SCFD2: variants seen among roughly 807,000 people sequenced by gnomAD.
SCFD2 encodes the protein sec1 family domain containing 2.
A neutral mutation model predicts 58.9 loss-of-function variants in SCFD2; 54 were observed. The observed-to-expected ratio is 0.92, with a 90% CI of 0.74 to 1.15. The LOEUF (loss-of-function observed/expected upper bound fraction) is 1.15, where lower values mean the gene tolerates loss of function less well. SCFD2 is among the 50% of genes most tolerant of loss of function. SCFD2 has a pLI of 0.00. For missense variants in SCFD2, 805 were observed against 836.6 expected, an observed-to-expected ratio of 0.96 and a Z score of 0.47; for synonymous variants, 321 against 335.9, an observed-to-expected ratio of 0.96 and a Z score of 0.49.
At chr4:53,186,063 A>C (rs1727728190) in intron 4 of SCFD2, among the ~76,000 whole-genome samples, 2 of 152,172 alleles carry the variant, frequency 1.3e-5, no homozygotes, top group South Asian at 4.1e-4. Context: ...ACAGTGCTTA[A>C]CATTGACTTA....
chr4:53,019,698 G>C (rs930098606), intron 5 of SCFD2, among the ~76,000 whole-genome samples: 4 of 152,010 alleles, frequency 2.6e-5, no homozygotes, highest in African/African-American at 9.7e-5. Context: ...CCTCCAAACA[G>C]ACTTACAAAC....
chr4:53,304,173 G>T (rs1349743893), intron 3 of SCFD2, among the ~76,000 whole-genome samples: 1 of 151,952 alleles, frequency 6.6e-6, no homozygotes, highest in East Asian at 1.9e-4. Flanking sequence ...CTTCTGGCTT[G>T]TAGGGATACT....
intron 2 of SCFD2, among the ~76,000 whole-genome samples, chr4:53,352,287 G>A (rs1347519531): frequency 6.6e-6 from 1 of 152,168 alleles, no homozygotes; most frequent in Non-Finnish European, 1.5e-5. Flanking sequence ...AGGAAGACTA[G>A]ACTCAATTCC....
At chr4:53,325,134 C>A (rs1406615167) in intron 2 of SCFD2, among the ~76,000 whole-genome samples, 1 of 151,862 alleles carries the variant, frequency 6.6e-6, no homozygotes, top group Non-Finnish European at 1.5e-5. Flanking sequence ...TTCTGATATT[C>A]ACTCTCCTTA....
rs144236845 is a variant in SCFD2 at position 53,195,746 on chromosome 4, G to A, written c.1312-50164C>T. 5.3e-5 allele frequency among the ~76,000 whole-genome samples: 8 copies of A among 152,248 alleles called. No individual in the cohort carries two copies. In the East Asian group the frequency reaches 1.5e-3, roughly 29 times the overall value. On this transcript the variant is annotated intron_variant, in intron 4 of 8. Coordinates refer to ENST00000401642, the MANE Select transcript of SCFD2 (RefSeq NM_152540.4). Reference sequence around the variant, plus strand: ...AATTATAGCTCCTGATAACAAGCCTGAAGAAAAAAGTTAATTTAGTGATAG... The same window carrying A: ...AATTATAGCTCCTGATAACAAGCCTAAAGAAAAAAGTTAATTTAGTGATAG...
At chr4:53,126,623 G>A (rs1262293523) in intron 5 of SCFD2, among the ~76,000 whole-genome samples, 2 of 152,182 alleles carry the variant, frequency 1.3e-5, no homozygotes, top group South Asian at 2.1e-4. Flanking sequence ...TCCTCACACC[G>A]GTTTTTAAAT....
chr4:53,172,800 G>T (rs1470368117), intron 4 of SCFD2, among the ~76,000 whole-genome samples: 4 of 152,186 alleles, frequency 2.6e-5, no homozygotes, highest in Non-Finnish European at 5.9e-5. Flanking sequence ...CAGTTGAAAA[G>T]AATGTGCATT....
rs1214223500 is a variant in SCFD2, at chr4:53,332,582, C to T, written c.1008-18819G>A. On this transcript the variant is annotated intron_variant, in intron 2 of 8. Transcript: ENST00000401642. ...CTAAAAACTCTCAATAAATTAGGTA[C>T]TGATGGGATGTATCTCAAAATAGTA... Among the ~76,000 whole-genome samples the T allele has an allele frequency of 5.3e-5, 8 of 152,252 alleles. No individual in the cohort carries two copies. In the South Asian group the frequency reaches 8.3e-4, roughly 16 times the overall value.
Position 53,365,367 on chromosome 4 carries a change from G to A in SCFD2, c.575C>T (p.Pro192Leu). 2 of 1,614,178 alleles carry A rather than the reference G, an allele frequency of 1.2e-6. No individual in the cohort carries two copies. Among genetic ancestry groups the A allele is most frequent in the Admixed American group, 1.7e-5 (1 of 60,020 alleles). ...QDVHLLNSAR[P>L]DKRKLGSLGD... The stretch of plus-strand genomic sequence containing the variant: ...CAGGCTTCCCAGCTTCCTCTTGTCC[G>A]GTCGGGCGCTATTAAGGAGGTGCAC... The change falls in exon 1 of 9, where the codon CCG (proline) becomes CTG (leucine). Residue 192 changes from proline to leucine, a missense_variant. Pro to Leu is a moderately conservative substitution (Grantham distance 98, BLOSUM62 -3). Around this residue, in one of 3 missense-constraint regions of SCFD2, gnomAD observed 633 missense variants for 646.8 expected, o/e 0.98. Transcript: ENST00000401642. This position sits in a 1 kb window ranked among gnomAD's most constrained non-coding sequence, Gnocchi z 4.3.
chr4:52,875,524 TG>T (rs1454181719), intron 8 of SCFD2, among the ~76,000 whole-genome samples: 3 of 151,866 alleles, frequency 2.0e-5, no homozygotes, highest in Admixed American at 1.3e-4. Context: ...GTGGTGCAAG[TG>T]GGCCCACACA....
intron 4 of SCFD2, among the ~76,000 whole-genome samples, chr4:53,219,110 G>C (rs1728961722): frequency 6.6e-6 from 1 of 152,218 alleles, no homozygotes; most frequent in Admixed American, 6.5e-5. Flanking sequence ...GAGGCAGTCT[G>C]TCTGTTCTCA....
At chr4:53,052,039 TC>T (rs1723202409) in intron 5 of SCFD2, among the ~76,000 whole-genome samples, 1 of 152,174 alleles carries the variant, frequency 6.6e-6, no homozygotes, top group African/African-American at 2.4e-5. Flanking sequence ...CAATAGGGAA[TC>T]TAATTATTTT....
At chr4:53,076,074 C>T (rs1306828383) in intron 5 of SCFD2, among the ~76,000 whole-genome samples, 1 of 152,050 alleles carries the variant, frequency 6.6e-6, no homozygotes, top group East Asian at 1.9e-4. Flanking sequence ...AGTTTTATAG[C>T]AAAAGGTATA....
At chr4:52,920,617 A>G in intron 6 of SCFD2, 108 bp downstream of exon 6, 1 of 711,028 alleles carries the variant, frequency 1.4e-6, no homozygotes, top group South Asian at 3.1e-5. Context: ...GATCATCTAG[A>G]ACAAACCTTT....
At chr4:53,182,270 A>C (rs1436807598) in intron 4 of SCFD2, among the ~76,000 whole-genome samples, 3 of 152,228 alleles carry the variant, frequency 2.0e-5, no homozygotes, top group African/African-American at 7.2e-5. Context: ...AGGCTACAGT[A>C]ACCAAAACAG....
At chr4:53,347,380 C>T (rs1021290165) in intron 2 of SCFD2, among the ~76,000 whole-genome samples, 15 of 152,118 alleles carry the variant, frequency 9.9e-5, no homozygotes, top group Admixed American at 2.6e-4. Flanking sequence ...GCAATGGGGA[C>T]GCAGCAGTGA....
intron 5 of SCFD2, among the ~76,000 whole-genome samples, chr4:53,037,001 G>A (rs1216649925): frequency 6.6e-6 from 1 of 152,082 alleles, no homozygotes; most frequent in Admixed American, 6.6e-5. Context: ...TTGGGGTGAT[G>A]GGCAGTTCTG....
At chr4:53,318,790 T>C (rs1732939097) in intron 2 of SCFD2, among the ~76,000 whole-genome samples, 1 of 151,718 alleles carries the variant, frequency 6.6e-6, no homozygotes. Context: ...TAAAATACAA[T>C]GTTAAATATA....
intron 4 of SCFD2, among the ~76,000 whole-genome samples, chr4:53,247,470 C>G (rs1730127249): frequency 6.6e-6 from 1 of 152,106 alleles, no homozygotes; most frequent in African/African-American, 2.4e-5. Context: ...TTCACAATAG[C>G]AAAGACATGG....
Sources: allele counts gnomAD v4.1 joint callset (sites outside exome capture counted in the v4.1 genomes callset), GRCh38; gene constraint gnomAD v4.1.1; regional missense constraint gnomAD v4.1.1; non-coding constraint Gnocchi (gnomAD v3.1); transcripts MANE v1.5; gene names NCBI Gene and HGNC (gene_info 2026-07-23, HGNC 2026-07-21).